Variants in SEC24D observed in about 807,000 individuals in gnomAD.
SEC24D encodes the protein SEC24 homolog D, COPII component, also known as protein transport protein Sec24D.
SEC24D carries 69 observed loss-of-function variants against 116.9 expected under a neutral mutation model. The observed-to-expected ratio is 0.59, with a 90% CI of 0.49 to 0.72. SEC24D has a LOEUF of 0.72. Among genes scored for constraint, SEC24D ranks in the 30% least tolerant of loss-of-function variants. SEC24D has a pLI of 0.00. For missense variants in SEC24D, 1,131 were observed against 1,264.1 expected, an observed-to-expected ratio of 0.89 and a Z score of 1.60; for synonymous variants, 405 against 442.8, an observed-to-expected ratio of 0.91 and a Z score of 1.07.
intron 15 of SEC24D, among the ~76,000 whole-genome samples, chr4:118,742,189 A>G (rs377363819): frequency 2.8e-4 from 42 of 152,302 alleles, no homozygotes; most frequent in Middle Eastern, 3.4e-3. Context: ...AAAAAAAGTA[A>G]TAAGCCTGGA....
chr4:118,793,185 C>T (rs1345541735), intron 8 of SEC24D, among the ~76,000 whole-genome samples: 4 of 152,032 alleles, frequency 2.6e-5, no homozygotes, highest in African/African-American at 7.2e-5. Context: ...CAAGAAGGCC[C>T]GGCCGGGCGC....
intron 18 of SEC24D, 104 bp from the exon 19 acceptor site, chr4:118,738,483 C>T: frequency 1.3e-6 from 1 of 795,156 alleles, no homozygotes; most frequent in Admixed American, 2.0e-5. Flanking sequence ...TCAGACCACC[C>T]AGCAAGAATA....
intron 15 of SEC24D, among the ~76,000 whole-genome samples, chr4:118,741,958 A>G (rs1227600904): frequency 6.6e-6 from 1 of 152,146 alleles, no homozygotes; most frequent in Non-Finnish European, 1.5e-5. Context: ...TAAACAAACA[A>G]CTGAATGGCA....
chr4:118,814,197 T>C (rs573078513), intron 6 of SEC24D, among the ~76,000 whole-genome samples: 3 of 152,350 alleles, frequency 2.0e-5, no homozygotes, highest in East Asian at 1.9e-4. Flanking sequence ...CTCAGTGACA[T>C]TGGGCTTTGT....
chr4:118,739,312 A>ATGTTTTTCTGAT, intron 17 of SEC24D, 25 bp from the exon 18 acceptor site: 1 of 1,599,274 alleles, frequency 6.3e-7, no homozygotes, highest in Non-Finnish European at 8.5e-7. Context: ...TTGAGGTCAC[A>ATGTTTTTCTGAT]TGTTTTTCTG....
At chr4:118,778,225 T>A (rs573673146) in intron 8 of SEC24D, among the ~76,000 whole-genome samples, 1 of 152,290 alleles carries the variant, frequency 6.6e-6, no homozygotes, top group South Asian at 2.1e-4. Context: ...TCTTCTAGGG[T>A]TTTTATGGTT....
chr4:118,795,647 C>T (rs1366135862), intron 8 of SEC24D, among the ~76,000 whole-genome samples: 2 of 152,104 alleles, frequency 1.3e-5, no homozygotes, highest in Non-Finnish European at 2.9e-5. Flanking sequence ...AGTAAGAGAA[C>T]CTTTGTACAA....
chr4:118,814,940 C>A, intron 6 of SEC24D, 88 bp downstream of exon 6: 1 of 1,409,750 alleles, frequency 7.1e-7, no homozygotes, highest in Non-Finnish European at 9.8e-7. Context: ...TGCTAATGAA[C>A]AGGATAAATG....
At chr4:118,743,763 TAATGC>T (rs1726352387) in intron 15 of SEC24D, among the ~76,000 whole-genome samples, 1 of 152,204 alleles carries the variant, frequency 6.6e-6, no homozygotes, top group South Asian at 2.1e-4. Flanking sequence ...ATATTCAGTA[TAATGC>T]AATATTTGGT....
At chr4:118,725,121 C>T (rs777461346) in intron 22 of SEC24D, among the ~76,000 whole-genome samples, 35 of 152,168 alleles carry the variant, frequency 2.3e-4, no homozygotes, top group Middle Eastern at 3.2e-3. Context: ...TAAGTTGCCC[C>T]GACCTAGTAA....
At chr4:118,727,948 G>C (rs924091308) in intron 22 of SEC24D, among the ~76,000 whole-genome samples, 1 of 152,062 alleles carries the variant, frequency 6.6e-6, no homozygotes, top group Non-Finnish European at 1.5e-5. Flanking sequence ...GCCTCCAGCT[G>C]AGTGTCTTAT....
intron 15 of SEC24D, among the ~76,000 whole-genome samples, chr4:118,743,500 C>T (rs1457926920): frequency 2.6e-5 from 4 of 152,050 alleles, no homozygotes; most frequent in East Asian, 3.9e-4. Flanking sequence ...ACACATTTTA[C>T]GTGTCCCTTA....
intron 6 of SEC24D, 83 bp downstream of exon 6, chr4:118,814,945 T>C: frequency 2.1e-6 from 3 of 1,460,252 alleles, no homozygotes; most frequent in Non-Finnish European, 1.9e-6. Flanking sequence ...ATGAACAGGA[T>C]AAATGCTAAC....
intron 8 of SEC24D, among the ~76,000 whole-genome samples, chr4:118,792,463 G>C (rs577145796): frequency 1.3e-5 from 2 of 152,356 alleles, no homozygotes; most frequent in East Asian, 3.9e-4. Flanking sequence ...GGGGAAATGT[G>C]GGGAAAAGAA....
At chr4:118,781,912 G>A (rs528761319) in intron 8 of SEC24D, among the ~76,000 whole-genome samples, 4 of 152,172 alleles carry the variant, frequency 2.6e-5, no homozygotes, top group Middle Eastern at 3.4e-3. Flanking sequence ...CGTAGTTTTC[G>A]CACCATGGTT....
At chr4:118,804,734 G>C (rs1729594649) in intron 7 of SEC24D, among the ~76,000 whole-genome samples, 1 of 151,944 alleles carries the variant, frequency 6.6e-6, no homozygotes, top group African/African-American at 2.4e-5. Context: ...TTAGCCAAAA[G>C]GCCGAGAAGG....
chr4:118,778,106 T>G (rs1434886389), intron 8 of SEC24D, among the ~76,000 whole-genome samples: 4 of 152,246 alleles, frequency 2.6e-5, no homozygotes, highest in Non-Finnish European at 5.9e-5. Flanking sequence ...AGCTCTTTAG[T>G]TTAACTAGAT....
chr4:118,744,183 G>GA (rs776088429), intron 14 of SEC24D, 25 bp from the exon 15 acceptor site: 1 of 1,493,068 alleles, frequency 6.7e-7, no homozygotes, highest in Admixed American at 2.3e-5. Flanking sequence ...CAAAAAAAAA[G>GA]AAAAAATAAA....
At chr4:118,754,953 A>G (rs531320255) in intron 11 of SEC24D, among the ~76,000 whole-genome samples, 1 of 152,276 alleles carries the variant, frequency 6.6e-6, no homozygotes, top group Non-Finnish European at 1.5e-5. Flanking sequence ...GAAAATCTAC[A>G]GAGGAAAAAC....
Sources: gnomAD v4.1 joint callset for allele counts (sites outside exome capture counted in the v4.1 genomes callset) on GRCh38, gnomAD v4.1.1 for gene constraint, MANE v1.5 for transcripts, NCBI Gene and HGNC (gene_info 2026-07-23, HGNC 2026-07-21) for gene names.